SUGCT: variants seen among roughly 807,000 people sequenced by gnomAD.
SUGCT encodes succinyl-CoA:glutarate CoA-transferase.
SUGCT carries 41 observed loss-of-function variants against 55.0 expected under a neutral mutation model. The observed-to-expected ratio is 0.74, with a 90% CI of 0.58 to 0.97. The LOEUF is 0.97. SUGCT is among the 50% of genes least tolerant of loss of function. SUGCT has a pLI of 0.00. For synonymous variants in SUGCT, 187 were observed against 200.4 expected, an observed-to-expected ratio of 0.93 and a Z score of 0.56; for missense variants, 568 against 547.8, an observed-to-expected ratio of 1.04 and a Z score of -0.37.
At chr7:41,017,770 C>CAAA in the SUGCT span, among the ~76,000 whole-genome samples, 2,860 of 113,078 alleles carry the variant, frequency 0.025, 124 homozygotes, top group South Asian at 0.18. Context: ...GAGTCCGTCT[C>CAAA]AAAAAAAAAA....
At chr7:40,778,894 C>T (rs1789590888) in intron 13 of SUGCT, among the ~76,000 whole-genome samples, 1 of 152,188 alleles carries the variant, frequency 6.6e-6, no homozygotes, top group Non-Finnish European at 1.5e-5. Context: ...ACAAATCAAA[C>T]CAATATTAGA....
At chr7:40,176,239 A>AT (rs1784916934) in intron 1 of SUGCT, among the ~76,000 whole-genome samples, 1 of 151,688 alleles carries the variant, frequency 6.6e-6, no homozygotes, top group Non-Finnish European at 1.5e-5. Context: ...AAAAAAAAAA[A>AT]ATTTAGTGAG....
chr7:40,853,909 G>A (rs1374085853), intron 13 of SUGCT, among the ~76,000 whole-genome samples: 2 of 151,892 alleles, frequency 1.3e-5, no homozygotes, highest in African/African-American at 4.8e-5. Context: ...GAAAAGCATT[G>A]AAGGCCCATT....
In SUGCT at chr7:40,509,528, T is replaced by C. The variant is rs533622847; in HGVS notation, c.1089+13142T>C. Reference sequence around the variant, plus strand: ...TGCTGTTACCATTGTCAGCAGAGGATTGCCTGAAGTCCAGCGGGTAGGCAA... The same window carrying C: ...TGCTGTTACCATTGTCAGCAGAGGACTGCCTGAAGTCCAGCGGGTAGGCAA... On this transcript the variant is annotated intron_variant, in intron 12 of 13. Transcript: ENST00000335693. Among the ~76,000 whole-genome samples the C allele has an allele frequency of 8.9e-4, 135 of 152,326 alleles. 1 individual carries two copies. Among genetic ancestry groups the C allele is most frequent in the East Asian group, 1.2e-3 (6 of 5,176 alleles).
chr7:40,473,855 T>C (rs1050547282), intron 11 of SUGCT, among the ~76,000 whole-genome samples: 2 of 152,032 alleles, frequency 1.3e-5, no homozygotes, highest in African/African-American at 4.8e-5. Flanking sequence ...TAAGTAAGAG[T>C]CCTTGGGTGG....
chr7:40,649,036 T>A (rs1001017823), intron 12 of SUGCT, among the ~76,000 whole-genome samples: 2 of 152,230 alleles, frequency 1.3e-5, no homozygotes, highest in South Asian at 4.1e-4. Context: ...TTATTTGTTA[T>A]CATTACTAAT....
intron 13 of SUGCT, among the ~76,000 whole-genome samples, chr7:40,781,556 C>T (rs1444293780): frequency 6.6e-6 from 1 of 152,066 alleles, no homozygotes; most frequent in Admixed American, 6.6e-5. Flanking sequence ...ATATAAGTTA[C>T]AGCATGTGTT....
At chr7:40,296,997 G>A (rs1794198724) in intron 8 of SUGCT, among the ~76,000 whole-genome samples, 1 of 152,144 alleles carries the variant, frequency 6.6e-6, no homozygotes, top group African/African-American at 2.4e-5. Context: ...TAATAATAGT[G>A]TTTGCCTCCA....
chr7:40,171,410 C>G (rs1445409228), intron 1 of SUGCT, among the ~76,000 whole-genome samples: 1 of 152,194 alleles, frequency 6.6e-6, no homozygotes, highest in Non-Finnish European at 1.5e-5. Flanking sequence ...CTCAGTCACC[C>G]TGGAGGAACC....
At chr7:40,373,373 GAT>G (rs1784393015) in intron 9 of SUGCT, among the ~76,000 whole-genome samples, 1 of 9,340 alleles carries the variant, frequency 1.1e-4, no homozygotes, top group African/African-American at 1.8e-4. Context: ...TAGAATCTAT[GAT>G]TAATATATAG....
intron 1 of SUGCT, chr7:40,153,601 G>C: frequency 1.9e-6 from 1 of 516,006 alleles, no homozygotes. Context: ...CTCAGCCTCT[G>C]TGGTCTGCTA....
intron 12 of SUGCT, among the ~76,000 whole-genome samples, chr7:40,535,137 A>G (rs1467917548): frequency 6.6e-6 from 1 of 152,182 alleles, no homozygotes; most frequent in Non-Finnish European, 1.5e-5. Context: ...GTTTGTATAT[A>G]TAATATCACT....
intron 12 of SUGCT, among the ~76,000 whole-genome samples, chr7:40,575,654 AGTTATCTGAGGCTGG>A (rs1404584733): frequency 6.6e-6 from 1 of 151,754 alleles, no homozygotes; most frequent in East Asian, 1.9e-4. Context: ...AAGAGTTAAG[AGTTATCTGAGGCTGG>A]GTGTGGTGGC....
intron 3 of SUGCT, among the ~76,000 whole-genome samples, chr7:40,185,733 G>A (rs896647661): frequency 1.3e-5 from 2 of 152,094 alleles, no homozygotes; most frequent in Admixed American, 6.6e-5. Context: ...ATGTTGACCA[G>A]GCTGGTCTCA....
chr7:40,195,871 G>T (rs1289247821), intron 6 of SUGCT, among the ~76,000 whole-genome samples: 3 of 151,604 alleles, frequency 2.0e-5, no homozygotes, highest in African/African-American at 7.3e-5. Context: ...CTACCACCAT[G>T]CCTGGCTGAT....
intron 12 of SUGCT, among the ~76,000 whole-genome samples, chr7:40,709,508 C>A (rs1277054864): frequency 1.3e-5 from 2 of 152,194 alleles, no homozygotes; most frequent in Non-Finnish European, 2.9e-5. Flanking sequence ...TATTGCCCTG[C>A]AAGGAGTTCA....
chr7:40,146,702 C>A (rs1028895946), intron 1 of SUGCT, among the ~76,000 whole-genome samples: 1 of 152,186 alleles, frequency 6.6e-6, no homozygotes. Context: ...GCCCTCATTC[C>A]GGTAAACCTT....
intron 9 of SUGCT, among the ~76,000 whole-genome samples, chr7:40,338,899 T>C (rs988994523): frequency 6.6e-6 from 1 of 152,216 alleles, no homozygotes; most frequent in Non-Finnish European, 1.5e-5. Context: ...TGGTCTTTGA[T>C]GATGATGATG....
the SUGCT span, among the ~76,000 whole-genome samples, chr7:41,009,859 A>G: frequency 6.6e-6 from 1 of 152,204 alleles, no homozygotes; most frequent in Admixed American, 6.5e-5. Context: ...ACTGCAGAAA[A>G]GTACCTTCTC....
Sources: gnomAD v4.1 joint callset for allele counts (sites outside exome capture counted in the v4.1 genomes callset) on GRCh38, gnomAD v4.1.1 for gene constraint, MANE v1.5 for transcripts, NCBI Gene and HGNC (gene_info 2026-07-23, HGNC 2026-07-21) for gene names.